SLC17A8: variants seen among roughly 807,000 people sequenced by gnomAD.
The protein encoded by SLC17A8 is solute carrier family 17 member 8.
Under a neutral mutation model 58.0 loss-of-function variants are expected in SLC17A8, and 31 were observed. That is an observed-to-expected ratio of 0.53 (90% confidence interval 0.40 to 0.72). The LOEUF is 0.72. Among genes scored for constraint, SLC17A8 ranks in the 30% least tolerant of loss-of-function variants. The pLI, the probability that SLC17A8 is intolerant of heterozygous loss-of-function variation, is 0.00. For missense variants in SLC17A8, 655 were observed against 727.8 expected, an observed-to-expected ratio of 0.90 and a Z score of 1.15; for synonymous variants, 228 against 249.0, an observed-to-expected ratio of 0.92 and a Z score of 0.79.
intron 11 of SLC17A8, 86 bp from the exon 12 acceptor site, chr12:100,419,729 C>G: frequency 1.5e-6 from 2 of 1,363,988 alleles, no homozygotes; most frequent in Middle Eastern, 1.8e-4. Context: ...TGGGCAGGTG[C>G]TTTTTCACAG....
In SLC17A8 at chr12:100,415,494, A is replaced by G. The variant is rs994987952; in HGVS notation, c.1298-2535A>G. 4.0e-5 allele frequency among the ~76,000 whole-genome samples: 6 copies of G among 149,722 alleles called. No individual in the cohort carries two copies. In the South Asian group the frequency reaches 1.3e-3, roughly 31 times the overall value. Reference sequence around the variant, plus strand: ...GACACACAGGCTGGTGTGCAGTGGCATGATCGCGGATCATTGCAGCCTCTA... The same window carrying G: ...GACACACAGGCTGGTGTGCAGTGGCGTGATCGCGGATCATTGCAGCCTCTA... On this transcript the variant is annotated intron_variant, in intron 10 of 11. Transcript: ENST00000323346.
chr12:100,396,414 T>G lies in SLC17A8; in HGVS notation c.673T>G (p.Cys225Gly), dbSNP rs944301867. The part of the protein sequence containing the change: ...ERSRLATTSF[C>G]GSYAGAVVAM... ...AAGCCGACTGGCCACAACCTCTTTT[T>G]GTGGTGGGTATATTAGAATCGTAAC... is the stretch of plus-strand genomic sequence containing the variant. The change falls in exon 5 of 12, where the codon TGT becomes GGT. Residue 225 changes from cysteine (C) to glycine (G), a missense_variant. Physicochemically the swap from Cys to Gly is radical, Grantham distance 159. Coordinates refer to ENST00000323346, the MANE Select transcript of SLC17A8 (RefSeq NM_139319.3). 6.2e-7 allele frequency: 1 copy of G among 1,613,362 alleles called. No homozygotes were observed. Among genetic ancestry groups the G allele is most frequent in the Non-Finnish European group, 8.5e-7 (1 of 1,179,510 alleles).
chr12:100,388,110 C>T (rs12826643), intron 2 of SLC17A8, among the ~76,000 whole-genome samples: 45,823 of 152,030 alleles, frequency 0.3, 8,930 homozygotes, highest in Non-Finnish European at 0.43. Context: ...CCTTGGGTCC[C>T]TTGTACTTGC....
intron 9 of SLC17A8, among the ~76,000 whole-genome samples, chr12:100,411,695 TG>T (rs1952868788): frequency 6.6e-6 from 1 of 152,170 alleles, no homozygotes; most frequent in South Asian, 2.1e-4. Context: ...TGTTGTCAGC[TG>T]AACTTTTTTT....
intron 5 of SLC17A8, among the ~76,000 whole-genome samples, chr12:100,399,580 G>A (rs1952777137): frequency 6.6e-6 from 1 of 152,030 alleles, no homozygotes; most frequent in Non-Finnish European, 1.5e-5. Flanking sequence ...ATCTTACATG[G>A]TGGCAGAAGA....
At chr12:100,368,001 G>A (rs1046384194) in intron 1 of SLC17A8, among the ~76,000 whole-genome samples, 4 of 152,184 alleles carry the variant, frequency 2.6e-5, no homozygotes, top group South Asian at 2.1e-4. Context: ...TCCAAGAACC[G>A]TATTAGCAGT....
intron 11 of SLC17A8, 65 bp from the exon 12 acceptor site, chr12:100,419,750 C>T: frequency 6.5e-7 from 1 of 1,529,446 alleles, no homozygotes; most frequent in East Asian, 2.2e-5. Flanking sequence ...TGGAGGCCTC[C>T]AGGACATACT....
chr12:100,399,687 G>A (rs1022740202), intron 5 of SLC17A8, among the ~76,000 whole-genome samples: 13 of 152,008 alleles, frequency 8.6e-5, no homozygotes, highest in African/African-American at 2.9e-4. Context: ...GGGGAAATCC[G>A]CCCCCATGAC....
At chr12:100,368,847 A>G (rs1423367053) in intron 1 of SLC17A8, among the ~76,000 whole-genome samples, 1 of 152,242 alleles carries the variant, frequency 6.6e-6, no homozygotes, top group Admixed American at 6.5e-5. Flanking sequence ...ATATTTTGAC[A>G]TAGACACACT....
At chr12:100,401,704 A>G (rs1175408570) in intron 5 of SLC17A8, 73 bp from the exon 6 acceptor site, 5 of 1,209,182 alleles carry the variant, frequency 4.1e-6, no homozygotes, top group East Asian at 4.7e-5. Flanking sequence ...TGACTTTACC[A>G]TATGAATTCT....
At position 100,393,478 on chromosome 12, in the gene SLC17A8, G is replaced by A; in HGVS notation, c.583G>A (p.Val195Met). The change falls in exon 4 of 12, where the codon GTG becomes ATG. Residue 195 changes from valine (V) to methionine (M), a missense_variant. Coordinates refer to ENST00000323346, the MANE Select transcript of SLC17A8 (RefSeq NM_139319.3). ...GTGTGTCAGAATTCTGCAAGGTTTAGTGGAGGTAGGAGATACTTTCCTTAC... is the reference window on the plus strand; with the variant it reads ...GTGTGTCAGAATTCTGCAAGGTTTAATGGAGGTAGGAGATACTTTCCTTAC... ...VMCVRILQGL[V>M]EGVTYPACHG... The A allele has an allele frequency of 6.2e-7, 1 of 1,609,172 alleles. No individual in the cohort carries two copies. The highest frequency in any genetic ancestry group is 8.5e-7 in the Non-Finnish European group (1 of 1,175,742).
intron 1 of SLC17A8, among the ~76,000 whole-genome samples, chr12:100,377,353 A>G (rs1952601291): frequency 6.6e-6 from 1 of 152,080 alleles, no homozygotes; most frequent in Non-Finnish European, 1.5e-5. Context: ...CCTAAGTTTG[A>G]TAACTCATTT....
At chr12:100,417,189 A>G (rs1952912480) in intron 10 of SLC17A8, among the ~76,000 whole-genome samples, 1 of 152,214 alleles carries the variant, frequency 6.6e-6, no homozygotes, top group Non-Finnish European at 1.5e-5. Flanking sequence ...TATAGGCGTG[A>G]GCAACCATGC....
chr12:100,373,709 C>T (rs1007200470), intron 1 of SLC17A8, among the ~76,000 whole-genome samples: 4 of 151,760 alleles, frequency 2.6e-5, no homozygotes, highest in Admixed American at 1.3e-4. Context: ...CTCAGCCTCC[C>T]GAGTAGCTGG....
At chr12:100,358,858 T>C (rs761848188) in intron 1 of SLC17A8, among the ~76,000 whole-genome samples, 19 of 152,150 alleles carry the variant, frequency 1.2e-4, no homozygotes, top group Non-Finnish European at 2.6e-4. Flanking sequence ...ATAAAAACCA[T>C]AGGCCGGGCG....
At chr12:100,372,887 G>A (rs761049981) in intron 1 of SLC17A8, among the ~76,000 whole-genome samples, 10 of 152,124 alleles carry the variant, frequency 6.6e-5, no homozygotes, top group Non-Finnish European at 1.3e-4. Context: ...TTTAAAATAC[G>A]TAAAATTATC....
In SLC17A8 at chr12:100,402,620, T is replaced by C; in HGVS notation, c.928T>C (p.Phe310Leu). 6.2e-7 allele frequency: 1 copy of C among 1,614,018 alleles called. No individual in the cohort carries two copies. The highest frequency in any genetic ancestry group is 8.5e-7 in the Non-Finnish European group (1 of 1,179,964). Residue 310 changes from phenylalanine (F) to leucine (L), a missense_variant, in exon 8 of 12, where the codon TTT becomes CTT. Phe to Leu is a conservative substitution (Grantham distance 22). Transcript: ENST00000323346. ...GAAATTTAGTACCCCATGGAAAAGA[T>C]TTTTCACATCTTTGCCGGTTTATGC... The part of the protein sequence containing the change: ...LSKFSTPWKR[F>L]FTSLPVYAII...
At chr12:100,408,227 A>T (rs940842351) in intron 9 of SLC17A8, among the ~76,000 whole-genome samples, 1 of 152,206 alleles carries the variant, frequency 6.6e-6, no homozygotes, top group Non-Finnish European at 1.5e-5. Flanking sequence ...TTAATATGCC[A>T]TTAAAATCAT....
In SLC17A8 at chr12:100,374,886, C is replaced by T. The variant is rs538923743; in HGVS notation, c.102-5815C>T. Among the ~76,000 whole-genome samples, 59 of 152,136 alleles carry T rather than the reference C, an allele frequency of 3.9e-4. No homozygotes were observed. The South Asian group carries it at 6.7e-3, about 17-fold the overall frequency. On this transcript the variant is annotated intron_variant, in intron 1 of 11. Coordinates refer to ENST00000323346, the MANE Select transcript of SLC17A8 (RefSeq NM_139319.3). ...ACAGCTCCTGATATCCCATCTCCAA[C>T]TGGAGAGCTGCTGTGAGGGGCTGGC...
Sources: allele counts gnomAD v4.1 joint callset (sites outside exome capture counted in the v4.1 genomes callset), GRCh38; gene constraint gnomAD v4.1.1; transcripts MANE v1.5; gene names NCBI Gene and HGNC (gene_info 2026-07-23, HGNC 2026-07-21).